IL2RB: variants seen among roughly 807,000 people sequenced by gnomAD.
IL2RB encodes interleukin 2 receptor subunit beta.
IL2RB carries 17 observed loss-of-function variants against 44.2 expected under a neutral mutation model. The observed-to-expected ratio is 0.38, with a 90% CI of 0.26 to 0.58. The LOEUF (loss-of-function observed/expected upper bound fraction) is 0.58, where lower values mean the gene tolerates loss of function less well. Ranked by LOEUF, IL2RB falls within the 20% of genes least tolerant of loss-of-function variation. IL2RB has a pLI of 0.63. For missense variants in IL2RB, 624 were observed against 685.5 expected (o/e 0.91, Z 1.00); for synonymous variants, 286 against 297.9 (o/e 0.96, Z 0.41).
rs899572180 is a variant in IL2RB, at chr22:37,139,165, C to A, written c.340G>T (p.Val114Leu). Residue 114 changes from valine (V) to leucine (L), a missense_variant, in exon 5 of 10, where the codon GTG becomes TTG. By Grantham distance (32) the Val-to-Leu change is conservative. Transcript: ENST00000216223. Reference sequence around the variant, plus strand: ...TGGATGGCCATCACCCTCCATCGCACCCCCTCACGGCACAGCACCCTCAGG... The same window carrying A: ...TGGATGGCCATCACCCTCCATCGCAACCCCTCACGGCACAGCACCCTCAGG... ...VTLRVLCREGVRWRVMAIQDF... is the reference protein window; with the variant it reads ...VTLRVLCREGLRWRVMAIQDF... The A allele has an allele frequency of 6.2e-7, 1 of 1,613,758 alleles. No individual in the cohort carries two copies. Among genetic ancestry groups the A allele is most frequent in the African/African-American group, 1.3e-5 (1 of 74,900 alleles).
At chr22:37,148,590 T>A (rs1212875585) in intron 1 of IL2RB, among the ~76,000 whole-genome samples, 2 of 152,162 alleles carry the variant, frequency 1.3e-5, no homozygotes, top group African/African-American at 4.8e-5. Flanking sequence ...CATCTGATTT[T>A]CAGAGAGATG....
intron 7 of IL2RB, 97 bp downstream of exon 7, chr22:37,136,131 T>C (rs1921676596): frequency 3.8e-6 from 5 of 1,332,122 alleles, no homozygotes; most frequent in Non-Finnish European, 5.1e-6. Flanking sequence ...AGCTGACTGC[T>C]ATACCCTCAC....
chr22:37,142,970 A>C (rs1601602719), intron 3 of IL2RB, among the ~76,000 whole-genome samples: 4 of 136,136 alleles, frequency 2.9e-5, no homozygotes, highest in Admixed American at 7.4e-5. Flanking sequence ...GGGCCCAGCC[A>C]CCTCTCTGTG....
upstream of IL2RB, among the ~76,000 whole-genome samples, chr22:37,152,140 G>A (rs5995387): frequency 0.036 from 5,552 of 152,228 alleles, 316 homozygotes; most frequent in African/African-American, 0.13. Context: ...ATTACATTGA[G>A]TCTGTATATT....
intron 1 of IL2RB, among the ~76,000 whole-genome samples, chr22:37,160,597 C>T (rs761800384): frequency 1.3e-5 from 2 of 151,298 alleles, no homozygotes; most frequent in South Asian, 4.2e-4. Context: ...TTTTTAAAAA[C>T]GTGAAAGGCC....
At chr22:37,152,349 T>C (rs1922524155), upstream of IL2RB, among the ~76,000 whole-genome samples, 1 of 152,260 alleles carries the variant, frequency 6.6e-6, no homozygotes, top group Non-Finnish European at 1.5e-5. Flanking sequence ...GGAGTTATTT[T>C]CTTGATTTCT....
intron 1 of IL2RB, among the ~76,000 whole-genome samples, chr22:37,164,937 G>A (rs1345156221): frequency 6.6e-6 from 1 of 151,904 alleles, no homozygotes; most frequent in Non-Finnish European, 1.5e-5. Context: ...TTCCCTGAGA[G>A]CTGGTCAGAA....
intron 1 of IL2RB, among the ~76,000 whole-genome samples, chr22:37,166,395 G>C (rs557247301): frequency 6.6e-6 from 1 of 152,232 alleles, no homozygotes; most frequent in African/African-American, 2.4e-5. Context: ...TGGGCCAGAA[G>C]TGAAGCTAAG....
At chr22:37,172,215 T>TAAAAAAAAA (rs63579164) in intron 1 of IL2RB, among the ~76,000 whole-genome samples, 1 of 104,488 alleles carries the variant, frequency 9.6e-6, no homozygotes, top group African/African-American at 3.2e-5. Flanking sequence ...AAAGGTAAAG[T>TAAAAAAAAA]AAAAAAAAAA....
In IL2RB at chr22:37,148,405, A is replaced by C. The variant is rs6000580; in HGVS notation, c.-34+1420T>G. Among the ~76,000 whole-genome samples, 597 of 152,208 alleles carry C rather than the reference A, an allele frequency of 3.9e-3. 4 individuals carry two copies. The highest frequency in any genetic ancestry group is 0.014 in the African/African-American group (563 of 41,526). On this transcript the variant is annotated intron_variant, in intron 1 of 9. Transcript: ENST00000216223. The stretch of plus-strand genomic sequence containing the variant: ...ACAGCAAGTGGAGCCCAGGACCTCG[A>C]GTTTGAGCACCCCCTCCTGGGTCCT...
Position 37,143,584 on chromosome 22 carries a change from A to T in IL2RB, c.140T>A (p.Val47Asp), listed in dbSNP as rs1463023447. 2.5e-6 allele frequency: 4 copies of T among 1,614,142 alleles called. No individual in the cohort carries two copies. Among genetic ancestry groups the T allele is most frequent in the Non-Finnish European group, 3.4e-6 (4 of 1,180,024 alleles). Reference sequence around the variant, plus strand: ...CTGCAGAGCCCCATCTTGGCTCCAGACACAGGAGATGTTGGCTCTCGAGTT... The same window carrying T: ...CTGCAGAGCCCCATCTTGGCTCCAGTCACAGGAGATGTTGGCTCTCGAGTT... Reference protein sequence around the residue: ...FYNSRANISCVWSQDGALQDT... With the variant: ...FYNSRANISCDWSQDGALQDT... Residue 47 changes from valine to aspartate, a missense_variant, in exon 3 of 10, where the codon GTC (valine) becomes GAC (aspartate). By Grantham distance (152) the Val-to-Asp change is radical. Transcript: ENST00000216223.
intron 9 of IL2RB, among the ~76,000 whole-genome samples, chr22:37,129,085 C>T (rs1008096285): frequency 5.3e-5 from 8 of 152,220 alleles, no homozygotes; most frequent in Non-Finnish European, 1.0e-4. Flanking sequence ...CCAGCACAGG[C>T]CTGCCTGGCT....
chr22:37,156,781 C>T (rs1922694420), intron 1 of IL2RB, among the ~76,000 whole-genome samples: 1 of 152,180 alleles, frequency 6.6e-6, no homozygotes, highest in South Asian at 2.1e-4. Flanking sequence ...TTGGGGGTGC[C>T]ATTCACTGTC....
At chr22:37,130,550 C>G (rs945842081) in intron 9 of IL2RB, among the ~76,000 whole-genome samples, 4 of 152,224 alleles carry the variant, frequency 2.6e-5, no homozygotes, top group African/African-American at 9.6e-5. Context: ...CCATCCCCAA[C>G]CCCCAGCCAC....
chr22:37,154,079 G>A (rs1482592555), upstream of IL2RB, among the ~76,000 whole-genome samples: 1 of 152,188 alleles, frequency 6.6e-6, no homozygotes, highest in South Asian at 2.1e-4. Flanking sequence ...CCAGGCCAGC[G>A]GGGTAGGACC....
At chr22:37,130,417 C>T (rs1460900200) in intron 9 of IL2RB, among the ~76,000 whole-genome samples, 1 of 152,160 alleles carries the variant, frequency 6.6e-6, no homozygotes, top group Non-Finnish European at 1.5e-5. Context: ...ACACATACTC[C>T]CACACTCGCA....
intron 1 of IL2RB, among the ~76,000 whole-genome samples, chr22:37,147,180 T>C (rs903184609): frequency 2.0e-5 from 3 of 152,194 alleles, no homozygotes; most frequent in Non-Finnish European, 4.4e-5. Context: ...CCAGGCTCCA[T>C]TTAAAACTCT....
At chr22:37,142,394 CACCCTCTCCCT>C in intron 4 of IL2RB, 29 bp downstream of exon 4, 1 of 1,563,618 alleles carries the variant, frequency 6.4e-7, no homozygotes, top group African/African-American at 1.4e-5. Context: ...GCTGGGAGAC[CACCCTCTCCCT>C]GCACTCTCTC....
At chr22:37,134,138 A>G (rs1921570460) in intron 8 of IL2RB, among the ~76,000 whole-genome samples, 1 of 152,222 alleles carries the variant, frequency 6.6e-6, no homozygotes, top group African/African-American at 2.4e-5. Flanking sequence ...TCAGGAAAAA[A>G]AAACCCTCAT....
Sources: gnomAD v4.1 joint callset for allele counts (sites outside exome capture counted in the v4.1 genomes callset) on GRCh38, gnomAD v4.1.1 for gene constraint, MANE v1.5 for transcripts, NCBI Gene and HGNC (gene_info 2026-07-23, HGNC 2026-07-21) for gene names.